The following SLC39A11 variants were observed in gnomAD, a reference collection of about 807,000 sequenced individuals.
SLC39A11 encodes the protein zinc transporter ZIP11.
In SLC39A11, 33 loss-of-function variants were observed where a neutral mutation model predicts 36.1. The observed-to-expected ratio is 0.91, with a 90% CI of 0.69 to 1.22. SLC39A11 has a LOEUF of 1.22. Ranked by LOEUF, SLC39A11 falls within the 50% of genes most tolerant of loss-of-function variation. The probability of loss-of-function intolerance (pLI) is 0.00; values close to 1 mark genes in which losing one functional copy is unlikely to be tolerated. For synonymous variants in SLC39A11, 166 were observed against 170.3 expected (o/e 0.97, Z 0.20); for missense variants, 432 against 430.3 (o/e 1.00, Z -0.03).
chr17:72,987,526 A>G (rs1041214662), intron 4 of SLC39A11, among the ~76,000 whole-genome samples: 2 of 152,234 alleles, frequency 1.3e-5, no homozygotes, highest in African/African-American at 4.8e-5. Flanking sequence ...AGTAAGAGGT[A>G]CCCTGACACT....
intron 3 of SLC39A11, among the ~76,000 whole-genome samples, chr17:73,065,735 G>T (rs2059979576): frequency 6.6e-6 from 1 of 152,156 alleles, no homozygotes; most frequent in Non-Finnish European, 1.5e-5. Flanking sequence ...GGCCCACAAA[G>T]GTTTTACTTC....
chr17:72,906,075 G>A lies in SLC39A11; in HGVS notation c.430+41677C>T, dbSNP rs554533224. Among the ~76,000 whole-genome samples the A allele has an allele frequency of 3.3e-5, 5 of 152,288 alleles. No homozygotes were observed. In the East Asian group the frequency reaches 9.7e-4, roughly 29 times the overall value. On this transcript the variant is annotated intron_variant, in intron 5 of 9. Transcript: ENST00000255559. Reference sequence around the variant, plus strand: ...GCCAAAGAGGACCCCAACTCTTGACGCTCTTTTGGGTTCACAACGAGCTAG... The same window carrying A: ...GCCAAAGAGGACCCCAACTCTTGACACTCTTTTGGGTTCACAACGAGCTAG...
chr17:72,954,238 G>A (rs780461296), intron 4 of SLC39A11, among the ~76,000 whole-genome samples: 3 of 152,126 alleles, frequency 2.0e-5, no homozygotes, highest in Non-Finnish European at 4.4e-5. Context: ...TAGAAACAGG[G>A]TTTCACCATG....
At chr17:72,952,459 C>G (rs1476782599) in intron 4 of SLC39A11, among the ~76,000 whole-genome samples, 1 of 152,114 alleles carries the variant, frequency 6.6e-6, no homozygotes, top group Non-Finnish European at 1.5e-5. Flanking sequence ...GGCTGACATG[C>G]CCCGCATATC....
intron 5 of SLC39A11, among the ~76,000 whole-genome samples, chr17:72,922,890 C>T (rs893850235): frequency 1.4e-5 from 2 of 138,812 alleles, no homozygotes; most frequent in Non-Finnish European, 3.0e-5. Flanking sequence ...ATTCCTTGAA[C>T]CCGGGAGGCG....
intron 7 of SLC39A11, among the ~76,000 whole-genome samples, chr17:72,686,474 G>A (rs560694463): frequency 6.6e-6 from 1 of 152,272 alleles, no homozygotes; most frequent in East Asian, 1.9e-4. Context: ...TGGCTCGTTC[G>A]TGATAGTAAA....
intron 6 of SLC39A11, among the ~76,000 whole-genome samples, chr17:72,843,833 T>C (rs548460791): frequency 6.6e-6 from 1 of 152,164 alleles, no homozygotes; most frequent in Non-Finnish European, 1.5e-5. Context: ...ACCTTGCACA[T>C]GTGTATTAAA....
At chr17:72,966,159 G>T (rs568289019) in intron 4 of SLC39A11, among the ~76,000 whole-genome samples, 1 of 152,198 alleles carries the variant, frequency 6.6e-6, no homozygotes, top group Non-Finnish European at 1.5e-5. Context: ...CAAGGGAGGC[G>T]CAGGCTGGCA....
chr17:73,087,278 G>A (rs2060766889), intron 2 of SLC39A11, among the ~76,000 whole-genome samples: 1 of 152,000 alleles, frequency 6.6e-6, no homozygotes, highest in Non-Finnish European at 1.5e-5. Context: ...AGCTCCCGGG[G>A]GCAGTGCAGC....
chr17:72,855,853 C>T (rs184228992), intron 5 of SLC39A11, among the ~76,000 whole-genome samples: 11 of 151,658 alleles, frequency 7.3e-5, no homozygotes, highest in Admixed American at 2.6e-4. Context: ...GCCAAGATGG[C>T]GCCACTGCAC....
At chr17:73,046,068 C>A (rs187874598) in intron 3 of SLC39A11, among the ~76,000 whole-genome samples, 2 of 152,142 alleles carry the variant, frequency 1.3e-5, no homozygotes, top group African/African-American at 4.8e-5. Context: ...AGAGAAGACT[C>A]GGCAGTCTGG....
At chr17:72,950,119 C>T (rs2085761092) in intron 4 of SLC39A11, among the ~76,000 whole-genome samples, 1 of 152,178 alleles carries the variant, frequency 6.6e-6, no homozygotes, top group South Asian at 2.1e-4. Context: ...TGCCCTTCCT[C>T]TCATCTATTC....
intron 5 of SLC39A11, among the ~76,000 whole-genome samples, chr17:72,872,543 T>C (rs954838202): frequency 2.6e-5 from 4 of 152,194 alleles, no homozygotes; most frequent in Non-Finnish European, 5.9e-5. Context: ...TTGCGAAAAT[T>C]ATGACAGTGA....
At chr17:72,838,231 CT>C (rs574382302) in intron 6 of SLC39A11, 33,065 of 289,320 alleles carry the variant, frequency 0.11, no homozygotes, top group East Asian at 0.17. Flanking sequence ...CTTTCCTTTT[CT>C]TTTTTTTTTT....
chr17:72,734,495 G>A (rs908823992), intron 7 of SLC39A11, among the ~76,000 whole-genome samples: 1 of 152,152 alleles, frequency 6.6e-6, no homozygotes, highest in East Asian at 1.9e-4. Context: ...AGAGGGTCTC[G>A]TGAGGCTGAA....
chr17:72,805,839 C>G (rs577235501), intron 6 of SLC39A11, among the ~76,000 whole-genome samples: 1 of 151,772 alleles, frequency 6.6e-6, no homozygotes, highest in South Asian at 2.1e-4. Context: ...ACCTCCGCCT[C>G]CTGGGTTCAA....
chr17:72,805,758 T>C (rs1814363), intron 6 of SLC39A11, among the ~76,000 whole-genome samples: 2 of 143,292 alleles, frequency 1.4e-5, no homozygotes, highest in African/African-American at 2.9e-5. Context: ...TTTTCTTTTT[T>C]TTTTTTCTGA....
chr17:72,651,827 GA>G (rs1244603347), intron 7 of SLC39A11, among the ~76,000 whole-genome samples: 1 of 152,004 alleles, frequency 6.6e-6, no homozygotes, highest in Non-Finnish European at 1.5e-5. Flanking sequence ...AAGTGGAGTG[GA>G]CAGACAAGAA....
At chr17:72,924,635 T>A (rs2452909) in intron 5 of SLC39A11, among the ~76,000 whole-genome samples, 1 of 152,038 alleles carries the variant, frequency 6.6e-6, no homozygotes, top group Non-Finnish European at 1.5e-5. Flanking sequence ...AATGAAGATA[T>A]ATTCTCTAAT....
Sources: allele counts gnomAD v4.1 joint callset (sites outside exome capture counted in the v4.1 genomes callset), GRCh38; gene constraint gnomAD v4.1.1; transcripts MANE v1.5; gene names NCBI Gene and HGNC (gene_info 2026-07-23, HGNC 2026-07-21).